The following NPAS3 variants were observed in gnomAD, a reference collection of about 807,000 sequenced individuals.
The protein encoded by NPAS3 is neuronal PAS domain-containing protein 3.
NPAS3 carries 14 observed loss-of-function variants against 73.1 expected under a neutral mutation model. That is an observed-to-expected ratio of 0.19 (90% CI 0.13 to 0.30). The LOEUF is 0.30. Ranked by LOEUF, NPAS3 falls within the 10% of genes least tolerant of loss-of-function variation. The pLI is 1.00. For missense variants in NPAS3, 1,096 were observed against 1,250.0 expected, an observed-to-expected ratio of 0.88 and a Z score of 1.86; for synonymous variants, 620 against 541.5, an observed-to-expected ratio of 1.14 and a Z score of -2.01.
chr14:33,374,506 G>A (rs115655260), intron 4 of NPAS3, among the ~76,000 whole-genome samples: 2,894 of 151,994 alleles, frequency 0.019, 116 homozygotes, highest in African/African-American at 0.067. Flanking sequence ...AAAAAATCAG[G>A]TTGATGTAAT....
chr14:33,754,430 C>T lies in NPAS3; in HGVS notation c.852+19098C>T, dbSNP rs143046987. On this transcript the variant is annotated intron_variant, in intron 7 of 11. Coordinates refer to ENST00000356141, the Ensembl canonical transcript of NPAS3. ...AGGAAGTCCTCATTCCCTTCTTCCC[C>T]AGCTCCCTCTCCTCTCTGACCTCAT... is the stretch of plus-strand genomic sequence containing the variant. 4.5e-3 allele frequency among the ~76,000 whole-genome samples: 685 copies of T among 152,226 alleles called. 2 individuals are homozygous for T. Among genetic ancestry groups the T allele is most frequent in the African/African-American group, 0.016 (671 of 41,524 alleles).
chr14:33,406,364 A>C (rs1463454417), intron 4 of NPAS3, among the ~76,000 whole-genome samples: 8 of 152,116 alleles, frequency 5.3e-5, no homozygotes, highest in Admixed American at 3.3e-4. Context: ...AGAGAGATGC[A>C]GGGTTATCAA....
chr14:33,541,318 T>C (rs1379422446), intron 4 of NPAS3, among the ~76,000 whole-genome samples: 3 of 152,156 alleles, frequency 2.0e-5, no homozygotes, highest in Non-Finnish European at 4.4e-5. Flanking sequence ...CTTCTAAAAT[T>C]TGGACCCAAG....
intron 3 of NPAS3, among the ~76,000 whole-genome samples, chr14:33,241,410 G>A (rs994079679): frequency 6.6e-6 from 1 of 151,928 alleles, no homozygotes; most frequent in African/African-American, 2.4e-5. Context: ...AAGAGAGCAT[G>A]CCTCCATTTC....
At chr14:33,399,137 G>T (rs1329063769) in intron 4 of NPAS3, among the ~76,000 whole-genome samples, 1 of 152,038 alleles carries the variant, frequency 6.6e-6, no homozygotes, top group African/African-American at 2.4e-5. Context: ...GTACATTTTA[G>T]GGTAATATAG....
intron 6 of NPAS3, among the ~76,000 whole-genome samples, chr14:33,690,303 C>T (rs1031496400): frequency 1.3e-5 from 2 of 152,096 alleles, no homozygotes; most frequent in Non-Finnish European, 2.9e-5. Flanking sequence ...GAGTGTAGAT[C>T]TGGTGGAATG....
chr14:33,756,455 G>T (rs1251121627), intron 7 of NPAS3, among the ~76,000 whole-genome samples: 1 of 152,198 alleles, frequency 6.6e-6, no homozygotes, highest in Non-Finnish European at 1.5e-5. Context: ...GATTGAGACT[G>T]CTCAGATGGA....
At chr14:33,770,557 T>G (rs1176673406) in intron 7 of NPAS3, among the ~76,000 whole-genome samples, 1 of 152,188 alleles carries the variant, frequency 6.6e-6, no homozygotes, top group Non-Finnish European at 1.5e-5. Context: ...GCAAGGTCCC[T>G]CATAGATTAT....
upstream of NPAS3, among the ~76,000 whole-genome samples, chr14:32,938,486 T>TAAGAGAGAGAGAGAGAGA (rs1555372901): frequency 1.8e-5 from 1 of 55,906 alleles, no homozygotes; most frequent in Non-Finnish European, 3.3e-5. Context: ...AGAGAGAAAT[T>TAAGAGAGAGAGAGAGAGA]GAGAGAGAGA....
At chr14:33,507,544 G>A (rs1393775832) in intron 4 of NPAS3, among the ~76,000 whole-genome samples, 4 of 151,820 alleles carry the variant, frequency 2.6e-5, no homozygotes, top group Admixed American at 6.6e-5. Flanking sequence ...GCATAGTAAG[G>A]TTATTCTTTT....
intron 3 of NPAS3, among the ~76,000 whole-genome samples, chr14:33,313,826 A>C (rs1181541128): frequency 6.6e-6 from 1 of 152,078 alleles, no homozygotes; most frequent in African/African-American, 2.4e-5. Context: ...AGCAATCTCT[A>C]TAATCGTGAC....
At chr14:32,969,643 C>T (rs1351397453) in intron 1 of NPAS3, among the ~76,000 whole-genome samples, 1 of 152,086 alleles carries the variant, frequency 6.6e-6, no homozygotes, top group Non-Finnish European at 1.5e-5. Flanking sequence ...GATAGAAGAA[C>T]TAGAAGTACT....
At chr14:33,337,717 T>C (rs1440678397) in intron 3 of NPAS3, among the ~76,000 whole-genome samples, 1 of 152,096 alleles carries the variant, frequency 6.6e-6, no homozygotes, top group African/African-American at 2.4e-5. Context: ...CCTGTGAACA[T>C]GGCATATCTC....
chr14:33,543,506 T>A (rs2054614942), intron 4 of NPAS3, among the ~76,000 whole-genome samples: 1 of 152,064 alleles, frequency 6.6e-6, no homozygotes, highest in Admixed American at 6.6e-5. Flanking sequence ...CTGTTTCCAG[T>A]ATTTGGGGGG....
chr14:33,076,224 C>T (rs1035759147), intron 2 of NPAS3, among the ~76,000 whole-genome samples: 3 of 152,056 alleles, frequency 2.0e-5, no homozygotes, highest in Non-Finnish European at 2.9e-5. Flanking sequence ...ACAGGAGGGT[C>T]GTGGAATTGC....
intron 2 of NPAS3, among the ~76,000 whole-genome samples, chr14:33,154,249 G>C (rs922777872): frequency 6.6e-6 from 1 of 152,200 alleles, no homozygotes; most frequent in African/African-American, 2.4e-5. Flanking sequence ...GATGGATGTG[G>C]CACTACCGCT....
intron 3 of NPAS3, among the ~76,000 whole-genome samples, chr14:33,331,646 A>C (rs988245008): frequency 2.0e-5 from 3 of 150,940 alleles, no homozygotes; most frequent in Non-Finnish European, 4.4e-5. Flanking sequence ...ATATGCTTTC[A>C]GCTGGGACAC....
intron 3 of NPAS3, among the ~76,000 whole-genome samples, chr14:33,313,672 T>G (rs978041889): frequency 1.3e-5 from 2 of 152,084 alleles, no homozygotes; most frequent in Admixed American, 6.6e-5. Context: ...TATTTGATAT[T>G]ATCCTCGTAA....
intron 2 of NPAS3, among the ~76,000 whole-genome samples, chr14:33,093,518 G>C (rs1048180948): frequency 6.6e-6 from 1 of 152,210 alleles, no homozygotes; most frequent in African/African-American, 2.4e-5. Context: ...TACATTGTTG[G>C]TGGGAATGTA....
Sources: gnomAD v4.1 joint callset for allele counts (sites outside exome capture counted in the v4.1 genomes callset) on GRCh38, gnomAD v4.1.1 for gene constraint, MANE v1.5 for transcripts, NCBI Gene and HGNC (gene_info 2026-07-23, HGNC 2026-07-21) for gene names.